The following TRHDE variants were observed in gnomAD, a reference collection of about 807,000 sequenced individuals.
TRHDE encodes the protein thyrotropin releasing hormone degrading enzyme, also known as thyrotropin-releasing hormone-degrading ectoenzyme.
In TRHDE, 72 loss-of-function variants were observed where a neutral mutation model predicts 125.7. The ratio of observed to expected loss-of-function variants is 0.57; its 90% CI spans 0.47 to 0.70. The LOEUF (loss-of-function observed/expected upper bound fraction) is 0.70, where lower values mean the gene tolerates loss of function less well. Ranked by LOEUF, TRHDE falls within the 30% of genes least tolerant of loss-of-function variation. TRHDE has a pLI of 0.00. For synonymous variants in TRHDE, 509 were observed against 509.1 expected (o/e 1.00, Z 0.00); for missense variants, 1,110 against 1,327.1 (o/e 0.84, Z 2.54).
At chr12:72,440,799 AG>A (rs1874973654) in intron 3 of TRHDE, among the ~76,000 whole-genome samples, 1 of 151,884 alleles carries the variant, frequency 6.6e-6, no homozygotes, top group South Asian at 2.1e-4. Context: ...CACCCAACAC[AG>A]GGTCTGTCAC....
rs144214343 is a variant in TRHDE, at chr12:72,138,762, C to T, written n.279+33010C>T. Among the ~76,000 whole-genome samples the T allele has an allele frequency of 1.8e-4, 27 of 152,322 alleles. 1 individual carries two copies. The East Asian group carries it at 5.0e-3, about 28-fold the overall frequency. ...AGGGAAGATATTCCGTTGTCCAGTG[C>T]TTGTAGGTCATCTGGCAGAAGTGAC... On this transcript the variant is annotated intron_variant and non_coding_transcript_variant, in intron 2 of 4. Transcript: ENST00000548156.
chr12:72,110,300 C>T (rs1027810042), intron 2 of TRHDE, among the ~76,000 whole-genome samples: 2 of 152,068 alleles, frequency 1.3e-5, no homozygotes, highest in Non-Finnish European at 2.9e-5. Flanking sequence ...ATCCTGTGGG[C>T]ATTTCATTCC....
chr12:72,376,705 C>T (rs1172679641), intron 2 of TRHDE, among the ~76,000 whole-genome samples: 1 of 151,978 alleles, frequency 6.6e-6, no homozygotes, highest in Non-Finnish European at 1.5e-5. Flanking sequence ...TCTCTTTAGG[C>T]AGAGATAATA....
intron 3 of TRHDE, among the ~76,000 whole-genome samples, chr12:72,415,175 C>T (rs1873679194): frequency 6.6e-6 from 1 of 152,076 alleles, no homozygotes; most frequent in African/African-American, 2.4e-5. Flanking sequence ...ACTTGGAGAA[C>T]CACTGCTGCA....
At chr12:72,468,523 C>T (rs1286888499) in intron 3 of TRHDE, among the ~76,000 whole-genome samples, 1 of 152,202 alleles carries the variant, frequency 6.6e-6, no homozygotes, top group Non-Finnish European at 1.5e-5. Flanking sequence ...ACTTCTGGGT[C>T]AGAGACTGTA....
chr12:72,664,901 A>G lies in TRHDE; in HGVS notation c.*1706A>G, dbSNP rs1303551327. On this transcript the variant is annotated 3_prime_UTR_variant, in exon 19 of 19. Coordinates refer to ENST00000261180, the MANE Select transcript of TRHDE (RefSeq NM_013381.3). ...TTTATCATATAAGCAAGTAATACCT[A>G]TTAGTCATACCTAAATTTTTCAGCA... 6.6e-6 allele frequency: 1 copy of G among 152,086 alleles called. No individual in the cohort carries two copies. Among genetic ancestry groups the G allele is most frequent in the Non-Finnish European group, 1.5e-5 (1 of 67,984 alleles). 9.4% of individuals were successfully genotyped at this position (152,086 alleles called of 1,614,324 possible). A position where few individuals can be genotyped will look rare whatever the true frequency, so the allele number is the denominator to read the frequency against.
At chr12:72,505,943 T>C (rs2135942294) in intron 6 of TRHDE, among the ~76,000 whole-genome samples, 1 of 152,278 alleles carries the variant, frequency 6.6e-6, no homozygotes, top group East Asian at 1.9e-4. Flanking sequence ...GAGAGCACTA[T>C]TAACGCTACA....
chr12:72,390,772 T>G (rs796170969), intron 3 of TRHDE, among the ~76,000 whole-genome samples: 3 of 152,308 alleles, frequency 2.0e-5, no homozygotes, highest in African/African-American at 7.2e-5. Flanking sequence ...AATCAGGACA[T>G]CACTCCTTTA....
intron 2 of TRHDE, among the ~76,000 whole-genome samples, chr12:72,342,350 A>C (rs1870122047): frequency 6.6e-6 from 1 of 152,106 alleles, no homozygotes; most frequent in African/African-American, 2.4e-5. Flanking sequence ...TTAAATGTGT[A>C]CTCCAAACTA....
At chr12:72,152,792 G>T (rs1257189348) in intron 2 of TRHDE, among the ~76,000 whole-genome samples, 3 of 152,174 alleles carry the variant, frequency 2.0e-5, no homozygotes, top group Non-Finnish European at 4.4e-5. Flanking sequence ...GCTGGATTCA[G>T]TTTGCCAGTA....
rs1427166235 is a variant in TRHDE at position 72,273,495 on chromosome 12, G to A, written c.852G>A (p.Ala284=). The change falls in exon 1 of 19, where the codon GCG becomes GCA. Residue 284 remains alanine, a synonymous_variant. Transcript: ENST00000261180. The surrounding 1 kb of genome is among the most constrained non-coding windows in gnomAD (Gnocchi z 5.3). ...ACAATCTGAAGATTATCTACAACGCGCTCATCGAGAATGAGCTCCTGGGCT... is the reference window on the plus strand; with the variant it reads ...ACAATCTGAAGATTATCTACAACGCACTCATCGAGAATGAGCTCCTGGGCT... The part of the protein sequence containing the change: ...RNYNLKIIYN[A]LIENELLGFF... 1.9e-6 allele frequency: 3 copies of A among 1,611,780 alleles called. No homozygotes were observed. The highest frequency in any genetic ancestry group is 1.7e-5 in the Admixed American group (1 of 60,006).
At chr12:72,577,270 GC>G (rs970567780) in intron 12 of TRHDE, among the ~76,000 whole-genome samples, 2 of 152,108 alleles carry the variant, frequency 1.3e-5, no homozygotes, top group Non-Finnish European at 2.9e-5. Flanking sequence ...CTTTTAAGGA[GC>G]CAAATGCTTT....
chr12:72,332,152 T>A (rs1421012034), intron 2 of TRHDE, among the ~76,000 whole-genome samples: 1 of 151,920 alleles, frequency 6.6e-6, no homozygotes, highest in Admixed American at 6.6e-5. Flanking sequence ...AACTCTTTTT[T>A]TTTTGAGATG....
intron 2 of TRHDE, among the ~76,000 whole-genome samples, chr12:72,325,179 A>G (rs553258037): frequency 6.6e-6 from 1 of 151,890 alleles, no homozygotes; most frequent in East Asian, 1.9e-4. Context: ...ACTTGAAAAA[A>G]CCCTTATTTT....
intron 2 of TRHDE, among the ~76,000 whole-genome samples, chr12:72,134,312 G>A (rs1264195545): frequency 6.6e-6 from 1 of 151,948 alleles, no homozygotes; most frequent in Non-Finnish European, 1.5e-5. Context: ...CTGCAGAATC[G>A]CTCTATTGCC....
intron 1 of TRHDE, among the ~76,000 whole-genome samples, chr12:72,284,268 C>G (rs945553996): frequency 1.3e-5 from 2 of 152,102 alleles, no homozygotes; most frequent in African/African-American, 2.4e-5. Context: ...TCACACATAG[C>G]AGACAATATT....
At chr12:72,407,130 G>A (rs944809652) in intron 3 of TRHDE, among the ~76,000 whole-genome samples, 4 of 152,116 alleles carry the variant, frequency 2.6e-5, no homozygotes, top group African/African-American at 9.7e-5. Flanking sequence ...CTATTCTGTT[G>A]CCTTTGGGAG....
intron 4 of TRHDE, among the ~76,000 whole-genome samples, chr12:72,470,665 C>T (rs987183488): frequency 6.6e-6 from 1 of 151,888 alleles, no homozygotes; most frequent in African/African-American, 2.4e-5. Flanking sequence ...ACTTATAACA[C>T]CAGATATCTC....
At chr12:72,093,375 G>A (rs1459970491) in intron 1 of TRHDE, among the ~76,000 whole-genome samples, 1 of 152,162 alleles carries the variant, frequency 6.6e-6, no homozygotes, top group Non-Finnish European at 1.5e-5. Context: ...CCTCCCAAGA[G>A]TTGTGAAGTT....
Sources: allele counts gnomAD v4.1 joint callset (sites outside exome capture counted in the v4.1 genomes callset), GRCh38; gene constraint gnomAD v4.1.1; non-coding constraint Gnocchi (gnomAD v3.1); transcripts MANE v1.5; gene names NCBI Gene and HGNC (gene_info 2026-07-23, HGNC 2026-07-21).